Variants in ADA2 observed in about 807,000 individuals in gnomAD.
ADA2 encodes adenosine deaminase 2, also known as adenosine deaminase CECR1.
Under a neutral mutation model 44.2 loss-of-function variants are expected in ADA2, and 29 were observed. The observed-to-expected ratio is 0.66, with a 90% CI of 0.49 to 0.89. The LOEUF (loss-of-function observed/expected upper bound fraction) is 0.89, where lower values mean the gene tolerates loss of function less well. Among genes scored for constraint, ADA2 ranks in the 40% least tolerant of loss-of-function variants. ADA2 has a pLI of 0.00. For synonymous variants in ADA2, 215 were observed against 234.9 expected, an observed-to-expected ratio of 0.92 and a Z score of 0.77; for missense variants, 637 against 644.8, an observed-to-expected ratio of 0.99 and a Z score of 0.13.
At chr22:17,199,449 A>ACCCCACCTCTATCCTCTTC in intron 4 of ADA2, 1 of 350,742 alleles carries the variant, frequency 2.9e-6, no homozygotes, top group Non-Finnish European at 4.7e-6. Flanking sequence ...CTTCCCCTCC[A>ACCCCACCTCTATCCTCTTC]CCCACGAAGA....
intron 4 of ADA2, chr22:17,199,445 C>CTCCCTCCCCTCCTCTATCCTCTTCCCT (rs2062243193): frequency 2.3e-5 from 26 of 1,123,204 alleles, no homozygotes; most frequent in Non-Finnish European, 3.1e-5. Flanking sequence ...TCCTCTTCCC[C>CTCCCTCCCCTCCTCTATCCTCTTCCCT]TCCACCCACG....
At chr22:17,187,654 C>T (rs1460468109) in intron 7 of ADA2, among the ~76,000 whole-genome samples, 2 of 140,168 alleles carry the variant, frequency 1.4e-5, no homozygotes, top group African/African-American at 5.5e-5. Context: ...TATGCCCCTA[C>T]CACGAAAAAT....
intron 4 of ADA2, chr22:17,199,642 G>GTGC: frequency 6.2e-7 from 1 of 1,613,496 alleles, no homozygotes; most frequent in Non-Finnish European, 8.5e-7. Context: ...TGAGGTGGGC[G>GTGC]TGGCTATTAG....
chr22:17,199,862 C>T (rs946863469), intron 4 of ADA2: 4 of 859,932 alleles, frequency 4.7e-6, no homozygotes, highest in Non-Finnish European at 6.5e-6. Context: ...GTGTATTTGC[C>T]TGAGCTCAGG....
At position 17,200,152 on chromosome 22, in the gene ADA2, G is replaced by A. The variant is rs528743661; in HGVS notation, c.753+3411C>T. Among the ~76,000 whole-genome samples the A allele has an allele frequency of 3.3e-5, 5 of 152,014 alleles. 1 individual carries two copies. Among genetic ancestry groups the A allele is most frequent in the Non-Finnish European group, 5.9e-5 (4 of 68,016 alleles). ...GGAGGTTACAATGCGCCAAGATCAC[G>A]CCACTTTACTCCAGCCTGGGCAACA... is the stretch of plus-strand genomic sequence containing the variant. On this transcript the variant is annotated intron_variant, in intron 4 of 9. Coordinates refer to ENST00000399837, the MANE Select transcript of ADA2 (RefSeq NM_001282225.2).
In ADA2 at chr22:17,193,096, A is replaced by T. The variant is rs1462735360; in HGVS notation, c.754-1286T>A. On this transcript the variant is annotated intron_variant, in intron 4 of 9. Coordinates refer to ENST00000399837, the MANE Select transcript of ADA2 (RefSeq NM_001282225.2). ...AACAGTGGTTATGGGAGCAACAAAA[A>T]AAAACAAAGAACACGCTGCCCAGTG... 5.1e-6 allele frequency: 6 copies of T among 1,176,920 alleles called. No individual in the cohort carries two copies. The East Asian group carries it at 1.2e-4, about 24-fold the overall frequency. The allele number at this position is 1,176,920 out of a possible 1,614,324, so 72.9% of individuals were successfully genotyped here. A position where few individuals can be genotyped will look rare whatever the true frequency, so the allele number is the denominator to read the frequency against.
chr22:17,188,646 G>A (rs559059609), intron 6 of ADA2, 199 bp from the exon 7 acceptor site: 185 of 398,442 alleles, frequency 4.6e-4, no homozygotes, highest in South Asian at 2.5e-3. Flanking sequence ...TTGGGAGGCC[G>A]AGGCAGGCAG....
chr22:17,185,194 C>T (rs958848836), intron 7 of ADA2, among the ~76,000 whole-genome samples: 6 of 150,960 alleles, frequency 4.0e-5, no homozygotes, highest in South Asian at 2.1e-4. Context: ...GGGCGGATCA[C>T]GAGGTTAGGA....
intron 6 of ADA2, 56 bp from the exon 7 acceptor site, chr22:17,188,503 A>ATGGCGCGCCC: frequency 8.1e-7 from 1 of 1,235,080 alleles, no homozygotes. Context: ...TCACTTGCTG[A>ATGGCGCGCCC]TGGCGCGCCC....
intron 3 of ADA2, among the ~76,000 whole-genome samples, chr22:17,206,631 A>C (rs545816630): frequency 6.6e-6 from 1 of 152,320 alleles, no homozygotes. Context: ...CAAGGTTAAA[A>C]GAAAAAGGTG....
At chr22:17,201,860 A>G (rs2062291115) in intron 4 of ADA2, among the ~76,000 whole-genome samples, 1 of 151,988 alleles carries the variant, frequency 6.6e-6, no homozygotes, top group African/African-American at 2.4e-5. Context: ...AAGACCCAAA[A>G]ATCAGATTTT....
intron 1 of ADA2, among the ~76,000 whole-genome samples, chr22:17,216,771 A>AACAC (rs1555888343): frequency 3.4e-4 from 46 of 135,044 alleles, no homozygotes; most frequent in East Asian, 1.1e-3. Flanking sequence ...AAAAAAAAAA[A>AACAC]ACACACACAC....
chr22:17,214,183 C>A, intron 1 of ADA2: 1 of 622,718 alleles, frequency 1.6e-6, no homozygotes, highest in Admixed American at 2.5e-5. Context: ...TAGGGAGCAG[C>A]ATCGAGGGTT....
upstream of ADA2, chr22:17,219,660 G>GTTTTTTTTTT (rs1476817588): frequency 2.3e-5 from 2 of 86,938 alleles, no homozygotes; most frequent in African/African-American, 7.3e-5. Flanking sequence ...GTGCATGTGG[G>GTTTTTTTTTT]GTTTGTTTTT....
intron 3 of ADA2, among the ~76,000 whole-genome samples, chr22:17,205,627 CAG>C (rs2062345916): frequency 6.6e-6 from 1 of 152,198 alleles, no homozygotes; most frequent in South Asian, 2.1e-4. Context: ...GAAGTAACCT[CAG>C]GGGGGCACTC....
chr22:17,195,086 A>C (rs1370778371), intron 4 of ADA2, among the ~76,000 whole-genome samples: 1 of 152,138 alleles, frequency 6.6e-6, no homozygotes, highest in Non-Finnish European at 1.5e-5. Flanking sequence ...CTGTCCCTAG[A>C]AGCCCAAACC....
chr22:17,189,826 G>T, intron 6 of ADA2, 116 bp downstream of exon 6: 1 of 713,386 alleles, frequency 1.4e-6, no homozygotes, highest in Non-Finnish European at 2.5e-6. Flanking sequence ...GCCCTGGGAT[G>T]TCAGGGTACC....
At chr22:17,188,868 A>AAAAAAAAAAAAAAAATATATATATAT in intron 6 of ADA2, 2 of 81,180 alleles carry the variant, frequency 2.5e-5, no homozygotes, top group African/African-American at 8.4e-5. Context: ...AAGAGCAAAA[A>AAAAAAAAAAAAAAAATATATATATAT]ATATATATAT....
intron 4 of ADA2, chr22:17,199,720 C>A: frequency 6.6e-7 from 1 of 1,522,570 alleles, no homozygotes; most frequent in Non-Finnish European, 8.8e-7. Flanking sequence ...GGTCCAGCCA[C>A]CCCTTACTAC....
Sources: gnomAD v4.1 joint callset for allele counts (sites outside exome capture counted in the v4.1 genomes callset) on GRCh38, gnomAD v4.1.1 for gene constraint, MANE v1.5 for transcripts, NCBI Gene and HGNC (gene_info 2026-07-23, HGNC 2026-07-21) for gene names.